Variants in TERF2 observed in about 807,000 individuals in gnomAD.
TERF2 encodes telomeric repeat binding factor 2, also known as telomeric repeat-binding factor 2.
In TERF2, 16 loss-of-function variants were observed where a neutral mutation model predicts 56.1. That is an observed-to-expected ratio of 0.29 (90% confidence interval 0.19 to 0.43). TERF2 has a LOEUF of 0.43. Among genes scored for constraint, TERF2 ranks in the 20% least tolerant of loss-of-function variants. TERF2 has a pLI of 1.00. For missense variants in TERF2, 547 were observed against 712.9 expected, an observed-to-expected ratio of 0.77 and a Z score of 2.65; for synonymous variants, 296 against 282.1, an observed-to-expected ratio of 1.05 and a Z score of -0.50.
rs970775062 is a variant in TERF2, at chr16:69,356,627, C to T, written c.*271G>A. 27 of 296,854 alleles carry T rather than the reference C, an allele frequency of 9.1e-5. No individual in the cohort carries two copies. The highest frequency in any genetic ancestry group is 1.4e-4 in the Non-Finnish European group (22 of 157,452). 18.4% of individuals were successfully genotyped at this position (296,854 alleles called of 1,614,324 possible). ...CATCCTGGCTAACACGGTGAAACCC[C>T]GTCTCTACTAAAAATACAAAACATT... On this transcript the variant is annotated 3_prime_UTR_variant, in exon 10 of 10. Transcript: ENST00000254942.
rs1466140160 is a variant in TERF2, at chr16:69,385,717, C to A, written c.255G>T (p.Ala85=). The change falls in exon 1 of 10, where the codon GCG becomes GCT. Residue 85 remains alanine, a synonymous_variant. Coordinates refer to ENST00000254942, the MANE Select transcript of TERF2 (RefSeq NM_005652.5). ...PGLGGPAERG[A]GEARLEEAVN... Reference sequence around the variant, plus strand: ...CTGCCTCTTCCAGCCGTGCCTCCCCCGCGCCGCGCTCCGCCGGGCCCCCCA... The same window carrying A: ...CTGCCTCTTCCAGCCGTGCCTCCCCAGCGCCGCGCTCCGCCGGGCCCCCCA... The A allele has an allele frequency of 6.3e-7, 1 of 1,584,670 alleles. No individual in the cohort carries two copies.
intron 3 of TERF2, among the ~76,000 whole-genome samples, chr16:69,382,345 A>C (rs938870445): frequency 1.3e-5 from 2 of 152,250 alleles, no homozygotes; most frequent in Admixed American, 6.5e-5. Flanking sequence ...CCGATCATTA[A>C]CAGATTCCGT....
chr16:69,380,831 TCTCA>T lies in TERF2; in HGVS notation c.606+3745_606+3748del, dbSNP rs2013972941. Among the ~76,000 whole-genome samples, 4 of 147,954 alleles carry T rather than the reference TCTCA, an allele frequency of 2.7e-5. No individual in the cohort carries two copies. In the Admixed American group the frequency reaches 2.7e-4, roughly 10 times the overall value. ...TTTTTTTTTTTTTTCTGAGATGGAG[TCTCA>T]CTGTTTCCCAGGCTGGAGTGCAGTG... On this transcript the variant is annotated intron_variant, in intron 3 of 9. Transcript: ENST00000254942.
At chr16:69,377,278 A>T (rs905610204) in intron 3 of TERF2, among the ~76,000 whole-genome samples, 2 of 152,078 alleles carry the variant, frequency 1.3e-5, no homozygotes, top group African/African-American at 4.8e-5. Flanking sequence ...ACGGGAGCTA[A>T]GTGGCAACTT....
At chr16:69,361,915 G>T (rs2013155741) in intron 7 of TERF2, among the ~76,000 whole-genome samples, 1 of 96,254 alleles carries the variant, frequency 1.0e-5, no homozygotes, top group African/African-American at 3.9e-5. Context: ...CAAGCTCACG[G>T]CGCCTTTCAT....
At chr16:69,364,686 CA>C (rs2013273675) in intron 7 of TERF2, among the ~76,000 whole-genome samples, 1 of 152,170 alleles carries the variant, frequency 6.6e-6, no homozygotes, top group Non-Finnish European at 1.5e-5. Flanking sequence ...GCCCCCAACA[CA>C]CTCGACGACC....
chr16:69,385,182 TA>T (rs573923575), intron 2 of TERF2, among the ~76,000 whole-genome samples: 2 of 151,304 alleles, frequency 1.3e-5, no homozygotes, highest in African/African-American at 2.4e-5. Flanking sequence ...GGAGAAGATT[TA>T]AAAAAAACAC....
intron 7 of TERF2, among the ~76,000 whole-genome samples, chr16:69,364,067 T>G (rs2013249298): frequency 6.6e-6 from 1 of 152,182 alleles, no homozygotes; most frequent in South Asian, 2.1e-4. Context: ...AATGTTACCC[T>G]CTGCTGGCTT....
chr16:69,376,431 T>C (rs1034831166), intron 3 of TERF2, among the ~76,000 whole-genome samples: 4 of 152,234 alleles, frequency 2.6e-5, no homozygotes, highest in African/African-American at 9.6e-5. Context: ...TGTAACTTTC[T>C]CATAATTCTT....
intron 5 of TERF2, 65 bp downstream of exon 5, chr16:69,370,418 A>G (rs758825116): frequency 2.5e-6 from 4 of 1,570,282 alleles, no homozygotes; most frequent in Non-Finnish European, 3.5e-6. Flanking sequence ...TTCACTTCAG[A>G]TATTCTGATT....
chr16:69,382,895 G>A (rs1395205515), intron 3 of TERF2, among the ~76,000 whole-genome samples: 5 of 152,106 alleles, frequency 3.3e-5, no homozygotes. Context: ...CTTATTCTTG[G>A]AGTAACTTGT....
chr16:69,358,437 T>C (rs2013002819), intron 8 of TERF2, among the ~76,000 whole-genome samples: 1 of 152,230 alleles, frequency 6.6e-6, no homozygotes, highest in African/African-American at 2.4e-5. Flanking sequence ...TGAACCACCA[T>C]GCCTGGCCCC....
Position 69,358,135 on chromosome 16 carries a change from C to G in TERF2, c.1427-574G>C, listed in dbSNP as rs1382861402. ...TCACACCATTCTCCTGCCTCAGCCTCCCGAGTAGCTGGGACTACAGGCGCC... is the reference window on the plus strand; with the variant it reads ...TCACACCATTCTCCTGCCTCAGCCTGCCGAGTAGCTGGGACTACAGGCGCC... On this transcript the variant is annotated intron_variant, in intron 8 of 9. Coordinates refer to ENST00000254942, the MANE Select transcript of TERF2 (RefSeq NM_005652.5). 3.9e-5 allele frequency among the ~76,000 whole-genome samples: 6 copies of G among 152,284 alleles called. No individual in the cohort carries two copies. The East Asian group carries it at 1.2e-3, about 29-fold the overall frequency.
intron 8 of TERF2, among the ~76,000 whole-genome samples, chr16:69,360,044 T>C (rs2013073806): frequency 6.6e-6 from 1 of 151,576 alleles, no homozygotes. Flanking sequence ...ATTACAGGCA[T>C]GAGCCACTAC....
At chr16:69,360,114 C>A (rs867789126) in intron 8 of TERF2, among the ~76,000 whole-genome samples, 1 of 151,076 alleles carries the variant, frequency 6.6e-6, no homozygotes, top group Non-Finnish European at 1.5e-5. Context: ...TGGGTCTGGG[C>A]GGTGGCTCAC....
intron 7 of TERF2, among the ~76,000 whole-genome samples, chr16:69,362,521 T>C (rs1197432854): frequency 2.6e-5 from 4 of 152,146 alleles, no homozygotes; most frequent in African/African-American, 7.2e-5. Context: ...TGAACTAACA[T>C]TGTGATTGTC....
intron 5 of TERF2, among the ~76,000 whole-genome samples, chr16:69,369,074 T>C (rs997644791): frequency 1.3e-5 from 1 of 77,752 alleles, no homozygotes; most frequent in Non-Finnish European, 2.7e-5. Context: ...AGAATCCTTA[T>C]CTATATAACA....
Position 69,380,651 on chromosome 16 carries a change from C to T in TERF2, c.606+3929G>A, listed in dbSNP as rs755335446. Among the ~76,000 whole-genome samples the T allele has an allele frequency of 2.8e-5, 4 of 141,660 alleles. No homozygotes were observed. The East Asian group carries it at 6.3e-4, about 22-fold the overall frequency. The allele number at this position is 141,660 out of a possible 152,430, so 92.9% of individuals were successfully genotyped here. A position where few individuals can be genotyped will look rare whatever the true frequency, so the allele number is the denominator to read the frequency against. On this transcript the variant is annotated intron_variant, in intron 3 of 9. Coordinates refer to ENST00000254942, the MANE Select transcript of TERF2 (RefSeq NM_005652.5). ...CAGCCTGGGCGACAGAGAGAGACTA[C>T]GTCTAAAAAAAAAAAAAAAATCCAT...
intron 8 of TERF2, among the ~76,000 whole-genome samples, chr16:69,360,705 C>CAAAAA (rs1204701669): frequency 6.1e-5 from 4 of 65,416 alleles, no homozygotes; most frequent in African/African-American, 2.4e-4. Flanking sequence ...GACCCTGTCT[C>CAAAAA]AAAAAAAAAA....
Sources: gnomAD v4.1 joint callset for allele counts (sites outside exome capture counted in the v4.1 genomes callset) on GRCh38, gnomAD v4.1.1 for gene constraint, MANE v1.5 for transcripts, NCBI Gene and HGNC (gene_info 2026-07-23, HGNC 2026-07-21) for gene names.